Variants in TBC1D1 observed in about 807,000 individuals in gnomAD.
The protein encoded by TBC1D1 is TBC1 domain family member 1.
In TBC1D1, 89 loss-of-function variants were observed where a neutral mutation model predicts 125.6. The observed-to-expected ratio is 0.71, with a 90% CI of 0.60 to 0.85. The LOEUF is 0.85. TBC1D1 is among the 40% of genes least tolerant of loss of function. The probability of loss-of-function intolerance (pLI) is 0.00; values close to 1 mark genes in which losing one functional copy is unlikely to be tolerated. For synonymous variants in TBC1D1, 565 were observed against 564.1 expected, an observed-to-expected ratio of 1.00 and a Z score of -0.02; for missense variants, 1,377 against 1,469.2, an observed-to-expected ratio of 0.94 and a Z score of 1.03.
rs1349779488 is a variant in TBC1D1, at chr4:38,137,487, CT to C, written c.*154del. The C allele has an allele frequency of 1.7e-6, 2 of 1,158,086 alleles. No individual in the cohort carries two copies. Among genetic ancestry groups the C allele is most frequent in the Non-Finnish European group, 2.2e-6 (2 of 899,116 alleles). 71.7% of individuals were successfully genotyped at this position (1,158,086 alleles called of 1,614,324 possible). A position where few individuals can be genotyped will look rare whatever the true frequency, so the allele number is the denominator to read the frequency against. ...GCAAGTAGATTCTTACGAACTCCAA[CT>C]TGCAATTCAGGGGGCATGTCCCAGT... On this transcript the variant is annotated 3_prime_UTR_variant, in exon 20 of 20. Coordinates refer to ENST00000261439, the MANE Select transcript of TBC1D1 (RefSeq NM_015173.4).
intron 2 of TBC1D1, among the ~76,000 whole-genome samples, chr4:37,938,291 G>T (rs1350576999): frequency 6.6e-6 from 1 of 152,110 alleles, no homozygotes; most frequent in African/African-American, 2.4e-5. Context: ...GGATTTTAAA[G>T]AAATAAGGTT....
intron 7 of TBC1D1, among the ~76,000 whole-genome samples, chr4:38,031,852 C>A (rs1408374681): frequency 6.6e-6 from 1 of 152,184 alleles, no homozygotes; most frequent in East Asian, 1.9e-4. Flanking sequence ...GGTTAAGAAA[C>A]ATGTAACTAA....
intron 19 of TBC1D1, among the ~76,000 whole-genome samples, chr4:38,134,850 G>A (rs115096843): frequency 6.0e-4 from 91 of 152,278 alleles, no homozygotes; most frequent in African/African-American, 2.1e-3. Flanking sequence ...TGGAATGGTC[G>A]TTCTCTTGAC....
intron 2 of TBC1D1, among the ~76,000 whole-genome samples, chr4:37,998,233 C>T (rs951578510): frequency 3.3e-5 from 5 of 152,142 alleles, no homozygotes; most frequent in Non-Finnish European, 7.3e-5. Flanking sequence ...TGAGGGGCAG[C>T]GCCAGGCACT....
intron 15 of TBC1D1, among the ~76,000 whole-genome samples, chr4:38,111,536 T>G (rs574746654): frequency 6.6e-6 from 1 of 152,262 alleles, no homozygotes; most frequent in Non-Finnish European, 1.5e-5. Context: ...GTTAGAAATG[T>G]GACATTGTTT....
intron 2 of TBC1D1, among the ~76,000 whole-genome samples, chr4:37,971,536 C>T (rs1186224219): frequency 6.6e-6 from 1 of 152,120 alleles, no homozygotes; most frequent in East Asian, 1.9e-4. Flanking sequence ...CCCACTGTGT[C>T]CCTCCCACAA....
At chr4:37,948,940 A>G (rs1219540244) in intron 2 of TBC1D1, among the ~76,000 whole-genome samples, 2 of 152,234 alleles carry the variant, frequency 1.3e-5, no homozygotes, top group Non-Finnish European at 2.9e-5. Flanking sequence ...GTTGTAGCAT[A>G]TATCAGTAAC....
chr4:37,942,714 G>C (rs1725831132), intron 2 of TBC1D1, among the ~76,000 whole-genome samples: 1 of 151,854 alleles, frequency 6.6e-6, no homozygotes, highest in South Asian at 2.1e-4. Flanking sequence ...AATTTTTTTT[G>C]TATTTTTAGT....
intron 2 of TBC1D1, among the ~76,000 whole-genome samples, chr4:37,982,863 T>G (rs1310686856): frequency 6.6e-6 from 1 of 152,230 alleles, no homozygotes; most frequent in Non-Finnish European, 1.5e-5. Flanking sequence ...ATTCATTCAT[T>G]GACGAATGTA....
At chr4:38,067,087 G>GTC in intron 12 of TBC1D1, among the ~76,000 whole-genome samples, 1 of 152,152 alleles carries the variant, frequency 6.6e-6, no homozygotes, top group South Asian at 2.1e-4. Flanking sequence ...ATGTTAACCA[G>GTC]GATGGTCTCT....
intron 19 of TBC1D1, 32 bp from the exon 22 acceptor site, chr4:38,137,103 A>G (rs1474846578): frequency 1.9e-6 from 3 of 1,612,016 alleles, no homozygotes; most frequent in East Asian, 4.5e-5. Context: ...AGCACTGGCA[A>G]TTGTATTCTC....
chr4:38,048,857 A>G (rs1351499368), intron 10 of TBC1D1, among the ~76,000 whole-genome samples: 2 of 152,358 alleles, frequency 1.3e-5, no homozygotes, highest in African/African-American at 4.8e-5. Context: ...TCGTGAAGGC[A>G]TACAACTTTA....
intron 3 of TBC1D1, among the ~76,000 whole-genome samples, chr4:38,017,332 A>G (rs917882432): frequency 1.3e-5 from 2 of 152,238 alleles, no homozygotes; most frequent in Non-Finnish European, 2.9e-5. Context: ...GACACAGTCT[A>G]GTTTAGAAAG....
At chr4:37,895,625 AC>A (rs2152208196) in intron 1 of TBC1D1, among the ~76,000 whole-genome samples, 1 of 152,236 alleles carries the variant, frequency 6.6e-6, no homozygotes, top group Non-Finnish European at 1.5e-5. Flanking sequence ...AATTGTTTGA[AC>A]CCAGGGGGCG....
intron 19 of TBC1D1, 69 bp from the exon 22 acceptor site, chr4:38,137,066 G>A (rs775323695): frequency 1.7e-5 from 28 of 1,606,328 alleles, no homozygotes; most frequent in African/African-American, 2.7e-5. Flanking sequence ...GCTGGACAGC[G>A]TGTGGGCACT....
At chr4:38,104,841 C>T (rs60552409) in intron 15 of TBC1D1, among the ~76,000 whole-genome samples, 3,310 of 151,840 alleles carry the variant, frequency 0.022, 132 homozygotes, top group African/African-American at 0.075. Flanking sequence ...CTGCAAGCTC[C>T]GTCTCCTGGG....
chr4:38,105,112 G>A (rs1761081954), intron 15 of TBC1D1, among the ~76,000 whole-genome samples: 5 of 151,958 alleles, frequency 3.3e-5, no homozygotes, highest in Admixed American at 3.3e-4. Flanking sequence ...CCCTGACTGT[G>A]GTCTCCTCTC....
At chr4:38,012,071 G>A (rs1436926669) in intron 2 of TBC1D1, among the ~76,000 whole-genome samples, 2 of 152,222 alleles carry the variant, frequency 1.3e-5, no homozygotes. Context: ...TCAGAGGACT[G>A]AATAAGCTTT....
chr4:37,933,741 T>C (rs1489642981), intron 2 of TBC1D1, among the ~76,000 whole-genome samples: 1 of 152,164 alleles, frequency 6.6e-6, no homozygotes, highest in East Asian at 1.9e-4. Context: ...TATGATTCAT[T>C]GTCTTCACCT....
Sources: allele counts gnomAD v4.1 joint callset (sites outside exome capture counted in the v4.1 genomes callset), GRCh38; gene constraint gnomAD v4.1.1; transcripts MANE v1.5; gene names NCBI Gene and HGNC (gene_info 2026-07-23, HGNC 2026-07-21).